ACTB: variants seen among roughly 807,000 people sequenced by gnomAD.
ACTB encodes the protein actin beta, also known as actin, cytoplasmic 1.
A neutral mutation model predicts 30.5 loss-of-function variants in ACTB; 2 were observed. That is an observed-to-expected ratio of 0.07 (90% CI 0.03 to 0.21). The LOEUF (loss-of-function observed/expected upper bound fraction) is 0.21, where lower values mean the gene tolerates loss of function less well. Among genes scored for constraint, ACTB ranks in the 10% least tolerant of loss-of-function variants. The pLI, the probability that ACTB is intolerant of heterozygous loss-of-function variation, is 1.00. For synonymous variants in ACTB, 335 were observed against 217.6 expected (o/e 1.54, Z -4.75); for missense variants, 56 against 530.0 (o/e 0.11, Z 8.78).
rs1057523531 is a variant in ACTB, at chr7:5,528,300, G to T, written c.783C>A (p.Leu261=). ...GNERFRCPEA[L]FQPSFLGMES... is the part of the protein sequence containing the mutation. ...ACTCACCCAGGAAGGAAGGCTGGAA[G>T]AGTGCCTCAGGGCAGCGGAACCGCT... Residue 261 remains leucine, a synonymous_variant, in exon 4 of 6, where the codon CTC becomes CTA. Transcript: ENST00000646664. 1.9e-6 allele frequency: 3 copies of T among 1,614,200 alleles called. No homozygotes were observed. Among genetic ancestry groups the T allele is most frequent in the Non-Finnish European group, 2.5e-6 (3 of 1,180,048 alleles).
intron 3 of ACTB, 192 bp downstream of exon 3, chr7:5,528,967 CAG>C (rs1240218047): frequency 8.3e-6 from 13 of 1,560,120 alleles, no homozygotes; most frequent in African/African-American, 4.1e-5. Flanking sequence ...GACACCTAGT[CAG>C]AGAGACAAAC....
At chr7:5,528,962 C>T in intron 3 of ACTB, 199 bp downstream of exon 3, 3 of 1,552,036 alleles carry the variant, frequency 1.9e-6, no homozygotes. Flanking sequence ...TCTTAGACAC[C>T]TAGTCAGAGA....
chr7:5,530,154 A>T (rs893764920), intron 1 of ACTB, among the ~76,000 whole-genome samples: 34 of 151,956 alleles, frequency 2.2e-4, no homozygotes, highest in African/African-American at 7.5e-4. Flanking sequence ...GTTAGCGCCC[A>T]AAGGACCAGC....
In ACTB at chr7:5,527,218, A is replaced by AC. The variant is rs781397464; in HGVS notation, c.*529dup. 2 of 214,948 alleles carry AC rather than the reference A, an allele frequency of 9.3e-6. No homozygotes were observed. The highest frequency in any genetic ancestry group is 1.9e-5 in the Non-Finnish European group (2 of 105,520). The allele number at this position is 214,948 out of a possible 1,614,324, so 13.3% of individuals were successfully genotyped here. On this transcript the variant is annotated 3_prime_UTR_variant, in exon 6 of 6. Transcript: ENST00000646664. ...GTACAGGTAAGCCCTGGCTGCCTCC[A>AC]CCCACTCCCAGGGAGACCAAAAGCC...
Position 5,529,829 on chromosome 7 carries a change from A to G in ACTB, c.-6-166T>C, listed in dbSNP as rs746317317. On this transcript the variant is annotated intron_variant, in intron 1 of 5. Transcript: ENST00000646664. ...ACCATAAAAGGCAAACACTGGTCGG[A>G]GGCGTCCCCGCGGCGCGCGGCAGGA... The G allele has an allele frequency of 4.9e-5, 58 of 1,172,438 alleles. No individual in the cohort carries two copies. The African/African-American group carries it at 7.6e-4, about 15-fold the overall frequency. The allele number at this position is 1,172,438 out of a possible 1,614,324, so 72.6% of individuals were successfully genotyped here.
In ACTB at chr7:5,529,092, G is replaced by A. The variant is rs770397951; in HGVS notation, c.363+69C>T. On this transcript the variant is annotated intron_variant, in intron 3 of 5. Transcript: ENST00000646664. The stretch of plus-strand genomic sequence containing the variant: ...AAACGGCAGAAGAGAGAACCAGTGA[G>A]AAAGGGCGCAGCTCCGGGAGGCCAG... 6.2e-6 allele frequency: 10 copies of A among 1,613,400 alleles called. No homozygotes were observed. In the African/African-American group the frequency reaches 6.7e-5, roughly 11 times the overall value.
In ACTB at chr7:5,530,017, C is replaced by A. The variant is rs1274567612; in HGVS notation, c.-6-354G>T. On this transcript the variant is annotated intron_variant, in intron 1 of 5. Coordinates refer to ENST00000646664, the MANE Select transcript of ACTB (RefSeq NM_001101.5). ...CCCGGGAGCCGCGGCGACCCCACCC[C>A]TTCCGGCCGAGCCCGCCTTCGCCCC... is the stretch of plus-strand genomic sequence containing the variant. The A allele has an allele frequency of 2.5e-5, 4 of 161,110 alleles. No individual in the cohort carries two copies. In the South Asian group the frequency reaches 5.7e-4, roughly 23 times the overall value. 10.0% of individuals were successfully genotyped at this position (161,110 alleles called of 1,614,324 possible).
At chr7:5,528,833 G>A (rs1784819781) in intron 3 of ACTB, 114 bp from the exon 4 acceptor site, 2 of 1,453,820 alleles carry the variant, frequency 1.4e-6, no homozygotes, top group Admixed American at 1.7e-5. Context: ...GGGGTCTTGG[G>A]ATGGGGAGTC....
chr7:5,527,740 T>C lies in ACTB; in HGVS notation c.*8A>G, dbSNP rs759456782. The C allele has an allele frequency of 8.7e-6, 14 of 1,613,264 alleles. No homozygotes were observed. In the Admixed American group the frequency reaches 1.3e-4, roughly 15 times the overall value. The stretch of plus-strand genomic sequence containing the variant: ...GAAAGGGTGTAACGCAACTAAGTCA[T>C]AGTCCGCCTAGAAGCATTTGCGGTG... On this transcript the variant is annotated 3_prime_UTR_variant, in exon 6 of 6. Coordinates refer to ENST00000646664, the MANE Select transcript of ACTB (RefSeq NM_001101.5).
intron 3 of ACTB, 105 bp from the exon 4 acceptor site, chr7:5,528,824 G>C: frequency 1.3e-6 from 2 of 1,481,634 alleles, no homozygotes; most frequent in South Asian, 2.3e-5. Context: ...AAGTGTGCTG[G>C]GGTCTTGGGA....
At chr7:5,529,065 G>T (rs1482830882) in intron 3 of ACTB, 96 bp downstream of exon 3, 1 of 1,613,240 alleles carries the variant, frequency 6.2e-7, no homozygotes. Flanking sequence ...GAGTCCTACG[G>T]AAAACGGCAG....
intron 5 of ACTB, 56 bp from the exon 6 acceptor site, chr7:5,527,947 A>G: frequency 1.2e-6 from 2 of 1,613,040 alleles, no homozygotes; most frequent in Non-Finnish European, 1.7e-6. Context: ...CTCCCCACAC[A>G]CCACAGGACC....
chr7:5,530,165 G>A (rs1313633424), intron 1 of ACTB, among the ~76,000 whole-genome samples: 4 of 152,100 alleles, frequency 2.6e-5, no homozygotes, highest in African/African-American at 9.6e-5. Flanking sequence ...AAGGACCAGC[G>A]CGCACGCGCA....
chr7:5,529,835 C>T (rs1326582436), intron 1 of ACTB, 172 bp from the exon 2 acceptor site: 8 of 1,111,878 alleles, frequency 7.2e-6, no homozygotes, highest in Non-Finnish European at 1.1e-5. Flanking sequence ...TCGGAGGCGT[C>T]CCCGCGGCGC....
chr7:5,530,464 G>C (rs1784870119), intron 1 of ACTB, 60 bp downstream of exon 1: 1 of 151,518 alleles, frequency 6.6e-6, no homozygotes, highest in African/African-American at 2.4e-5. Flanking sequence ...GGGCGAAGGG[G>C]CCGCGGCCGC....
rs760283548 is a variant in ACTB, at chr7:5,528,118, G to C, written c.870C>G (p.Arg290=). 6.2e-7 allele frequency: 1 copy of C among 1,614,228 alleles called. No individual in the cohort carries two copies. Among genetic ancestry groups the C allele is most frequent in the South Asian group, 1.1e-5 (1 of 91,084 alleles). The change falls in exon 5 of 6, where the codon CGC becomes CGG. Residue 290 remains arginine, a synonymous_variant. Coordinates refer to ENST00000646664, the MANE Select transcript of ACTB (RefSeq NM_001101.5). ...GCACTGTGTTGGCGTACAGGTCTTT[G>C]CGGATGTCCACGTCACACTTCATGA... ...NSIMKCDVDI[R]KDLYANTVLS...
At chr7:5,529,072 G>T (rs780900079) in intron 3 of ACTB, 89 bp downstream of exon 3, 1 of 1,613,146 alleles carries the variant, frequency 6.2e-7, no homozygotes, top group Admixed American at 1.7e-5. Flanking sequence ...ACGGAAAACG[G>T]CAGAAGAGAG....
intron 2 of ACTB, 22 bp from the exon 3 acceptor site, chr7:5,529,422 G>A (rs201895137): frequency 7.4e-6 from 12 of 1,613,828 alleles, no homozygotes; most frequent in Middle Eastern, 1.6e-4. Flanking sequence ...AGGACAAGAA[G>A]CCCTGAGCAC....
chr7:5,529,894 G>A (rs904306101), intron 1 of ACTB: 6 of 643,678 alleles, frequency 9.3e-6, no homozygotes, highest in South Asian at 6.3e-5. Flanking sequence ...CGCCAGCCCC[G>A]CCTCCGCCCG....
Sources: gnomAD v4.1 joint callset for allele counts (sites outside exome capture counted in the v4.1 genomes callset) on GRCh38, gnomAD v4.1.1 for gene constraint, MANE v1.5 for transcripts, NCBI Gene and HGNC (gene_info 2026-07-23, HGNC 2026-07-21) for gene names.